The following SUMF1 variants were observed in gnomAD, a reference collection of about 807,000 sequenced individuals.
SUMF1 encodes the protein sulfatase modifying factor 1.
In SUMF1, 48 loss-of-function variants were observed where a neutral mutation model predicts 47.6. That is an observed-to-expected ratio of 1.01 (90% CI 0.80 to 1.28). The LOEUF (loss-of-function observed/expected upper bound fraction) is 1.28, where lower values mean the gene tolerates loss of function less well. SUMF1 is among the 50% of genes most tolerant of loss of function. SUMF1 has a pLI of 0.00. For missense variants in SUMF1, 571 were observed against 485.4 expected (o/e 1.18, Z -1.66); for synonymous variants, 230 against 192.1 (o/e 1.20, Z -1.63).
intron 8 of SUMF1, among the ~76,000 whole-genome samples, chr3:4,194,179 G>A (rs1007544605): frequency 6.6e-6 from 1 of 152,082 alleles, no homozygotes; most frequent in African/African-American, 2.4e-5. Flanking sequence ...CTGAAGAACT[G>A]AGTTTTTTTA....
chr3:4,298,894 T>C (rs1297722137), intron 8 of SUMF1, among the ~76,000 whole-genome samples: 1 of 152,188 alleles, frequency 6.6e-6, no homozygotes, highest in African/African-American at 2.4e-5. Context: ...AAATTACTCT[T>C]TCCTATCCAC....
downstream of SUMF1, among the ~76,000 whole-genome samples, chr3:4,357,284 G>A (rs1441069189): frequency 1.3e-5 from 2 of 150,162 alleles, no homozygotes; most frequent in African/African-American, 2.4e-5. Flanking sequence ...TATGTTTACG[G>A]TGTTCCAGAA....
At chr3:4,336,809 T>G (rs1327213381) in intron 8 of SUMF1, among the ~76,000 whole-genome samples, 1 of 152,234 alleles carries the variant, frequency 6.6e-6, no homozygotes, top group Non-Finnish European at 1.5e-5. Flanking sequence ...TTCATACATG[T>G]TTTTCATTCT....
At chr3:4,151,556 T>TACACACACACACAC (rs35911373) in intron 8 of SUMF1, among the ~76,000 whole-genome samples, 2,583 of 137,178 alleles carry the variant, frequency 0.019, 130 homozygotes, top group African/African-American at 0.068. Flanking sequence ...TGTGTGTATA[T>TACACACACACACAC]ACACACACAC....
chr3:4,116,459 G>A (rs1360216569), intron 8 of SUMF1, among the ~76,000 whole-genome samples: 1 of 152,110 alleles, frequency 6.6e-6, no homozygotes, highest in East Asian at 1.9e-4. Context: ...ATTGCTAGAT[G>A]GAGGTGTGAA....
intron 9 of SUMF1, among the ~76,000 whole-genome samples, chr3:4,046,765 T>C (rs1284524333): frequency 6.6e-6 from 1 of 152,184 alleles, no homozygotes; most frequent in Non-Finnish European, 1.5e-5. Context: ...GAATTTAAAC[T>C]CTTAACTGTC....
chr3:4,185,852 G>GT lies in SUMF1; in HGVS notation c.1015-117108dup, dbSNP rs933794869. On this transcript the variant is annotated intron_variant and NMD_transcript_variant, in intron 8 of 12. Coordinates refer to the SUMF1 transcript ENST00000448413. ...CTTGAACAAGGATATTTTTGTTCTTGTTTTTTCAGGAATGTTCCTCCATGG... is the reference window on the plus strand; with the variant it reads ...CTTGAACAAGGATATTTTTGTTCTTGTTTTTTTCAGGAATGTTCCTCCATGG... Among the ~76,000 whole-genome samples, 5 of 152,222 alleles carry GT rather than the reference G, an allele frequency of 3.3e-5. No individual in the cohort carries two copies. The East Asian group carries it at 7.7e-4, about 23-fold the overall frequency.
chr3:4,226,993 G>A (rs1696188899), intron 8 of SUMF1, among the ~76,000 whole-genome samples: 2 of 152,022 alleles, frequency 1.3e-5, no homozygotes, highest in Non-Finnish European at 2.9e-5. Flanking sequence ...GGAGGCATGG[G>A]GTGGAACTTG....
At chr3:4,109,798 G>A (rs1270428782) in intron 8 of SUMF1, among the ~76,000 whole-genome samples, 7 of 152,042 alleles carry the variant, frequency 4.6e-5, no homozygotes, top group Non-Finnish European at 8.8e-5. Context: ...GGACTTCTCT[G>A]CATTGGTTAT....
chr3:4,214,997 C>T (rs1461130971), intron 8 of SUMF1, among the ~76,000 whole-genome samples: 6 of 151,860 alleles, frequency 4.0e-5, no homozygotes, highest in Admixed American at 3.9e-4. Context: ...ATTCATTCTG[C>T]AATGATTTCA....
At chr3:4,186,045 G>C (rs1695194419) in intron 8 of SUMF1, among the ~76,000 whole-genome samples, 1 of 152,104 alleles carries the variant, frequency 6.6e-6, no homozygotes, top group South Asian at 2.1e-4. Flanking sequence ...TCTTCAAGAT[G>C]ACCAATTGTG....
At chr3:4,248,366 G>A (rs1427119923) in intron 8 of SUMF1, among the ~76,000 whole-genome samples, 2 of 152,186 alleles carry the variant, frequency 1.3e-5, no homozygotes, top group Admixed American at 6.5e-5. Context: ...AAGCTTTGCT[G>A]TATATTAAAA....
intron 9 of SUMF1, among the ~76,000 whole-genome samples, chr3:4,036,152 A>C (rs894348203): frequency 8.5e-5 from 13 of 152,324 alleles, no homozygotes; most frequent in African/African-American, 2.9e-4. Flanking sequence ...TGAATGTAAA[A>C]CATTTATCCC....
chr3:4,403,895 C>A (rs1287410311), intron 7 of SUMF1, among the ~76,000 whole-genome samples: 1 of 152,046 alleles, frequency 6.6e-6, no homozygotes, highest in Non-Finnish European at 1.5e-5. Context: ...ACTAAGGAGG[C>A]CATGGTACAT....
At chr3:4,170,736 T>A (rs1036100936) in intron 8 of SUMF1, among the ~76,000 whole-genome samples, 5 of 152,128 alleles carry the variant, frequency 3.3e-5, no homozygotes, top group Non-Finnish European at 7.4e-5. Flanking sequence ...GAAAAAAGAA[T>A]TGTCTTTTCA....
intron 8 of SUMF1, among the ~76,000 whole-genome samples, chr3:4,370,822 A>T (rs1275180256): frequency 6.6e-6 from 1 of 152,190 alleles, no homozygotes; most frequent in Non-Finnish European, 1.5e-5. Context: ...TTATGCTATG[A>T]AAATGTTTTC....
At chr3:4,348,742 G>A (rs867798413) in intron 8 of SUMF1, among the ~76,000 whole-genome samples, 25 of 152,148 alleles carry the variant, frequency 1.6e-4, no homozygotes, top group African/African-American at 6.0e-4. Context: ...AGGTGTGGTG[G>A]CACATGCCTG....
intron 8 of SUMF1, among the ~76,000 whole-genome samples, chr3:4,327,742 C>CT (rs548488120): frequency 1.2e-3 from 176 of 152,110 alleles, no homozygotes; most frequent in African/African-American, 4.0e-3. Context: ...CTCCTTTGGA[C>CT]TTAAGGGGAC....
At chr3:4,443,342 A>C (rs1201352644) in intron 3 of SUMF1, among the ~76,000 whole-genome samples, 1 of 152,180 alleles carries the variant, frequency 6.6e-6, no homozygotes, top group Non-Finnish European at 1.5e-5. Flanking sequence ...AGAACAAAAT[A>C]AATCAGAATC....
Sources: allele counts gnomAD v4.1 joint callset (sites outside exome capture counted in the v4.1 genomes callset), GRCh38; gene constraint gnomAD v4.1.1; transcripts MANE v1.5; gene names NCBI Gene and HGNC (gene_info 2026-07-23, HGNC 2026-07-21).